The following BRWD1 variants were observed in gnomAD, a reference collection of about 807,000 sequenced individuals.
BRWD1 encodes bromodomain and WD repeat-containing protein 1.
Under a neutral mutation model 251.2 loss-of-function variants are expected in BRWD1, and 82 were observed. That is an observed-to-expected ratio of 0.33 (90% CI 0.27 to 0.39). The LOEUF (loss-of-function observed/expected upper bound fraction) is 0.39, where lower values mean the gene tolerates loss of function less well. BRWD1 is among the 10% of genes least tolerant of loss of function. The pLI, the probability that BRWD1 is intolerant of heterozygous loss-of-function variation, is 1.00. For missense variants in BRWD1, 2,233 were observed against 2,711.6 expected (o/e 0.82, Z 3.92); for synonymous variants, 918 against 902.8 (o/e 1.02, Z -0.30).
chr21:39,236,838 G>C, intron 22 of BRWD1, 54 bp from the exon 23 acceptor site: 2 of 1,456,152 alleles, frequency 1.4e-6, no homozygotes, highest in Non-Finnish European at 1.9e-6. Flanking sequence ...AGCACTGATA[G>C]CAAGTCAATC....
At chr21:39,231,034 CATAA>C (rs2033594186) in intron 25 of BRWD1, among the ~76,000 whole-genome samples, 2 of 151,960 alleles carry the variant, frequency 1.3e-5, no homozygotes, top group Non-Finnish European at 2.9e-5. Context: ...GTTAAACAGA[CATAA>C]ATAAAACCGC....
At chr21:39,314,522 C>T, upstream of BRWD1, 2 of 355,714 alleles carry the variant, frequency 5.6e-6, no homozygotes, top group South Asian at 2.1e-5. Flanking sequence ...TTAGAATCCT[C>T]TTGGAAGACT....
At chr21:39,310,897 A>G (rs1050961549) in intron 4 of BRWD1, among the ~76,000 whole-genome samples, 6 of 152,104 alleles carry the variant, frequency 3.9e-5, no homozygotes, top group African/African-American at 1.2e-4. Flanking sequence ...AAGACTTTGA[A>G]AGTTTAGAAA....
chr21:39,307,127 G>A (rs1455116324), intron 4 of BRWD1, among the ~76,000 whole-genome samples: 2 of 152,150 alleles, frequency 1.3e-5, no homozygotes, highest in African/African-American at 4.8e-5. Flanking sequence ...GTGCTGGGAT[G>A]ACAGGTGTGA....
intron 21 of BRWD1, among the ~76,000 whole-genome samples, chr21:39,241,429 CTG>C (rs1168603874): frequency 1.5e-5 from 2 of 129,410 alleles, no homozygotes; most frequent in African/African-American, 6.0e-5. Flanking sequence ...GACTGTGCCA[CTG>C]CACTCCAGCC....
chr21:39,197,126 T>G lies in BRWD1; in HGVS notation c.5943A>C (p.Gly1981=). Residue 1981 remains glycine (G), a synonymous_variant, in exon 41 of 41, where the codon GGA becomes GGC. Coordinates refer to ENST00000342449, the MANE Select transcript of BRWD1 (RefSeq NM_033656.4). ...TAKKKLSDCE[G]SVHCEVPSEQ... The stretch of plus-strand genomic sequence containing the variant: ...CACTTGGTACTTCACAATGTACACT[T>G]CCTTCACAATCACTCAATTTCTTCT... 1 of 1,614,132 alleles carries G rather than the reference T, an allele frequency of 6.2e-7. No individual in the cohort carries two copies. The highest frequency in any genetic ancestry group is 1.1e-5 in the South Asian group (1 of 91,076).
chr21:39,206,146 T>C lies in BRWD1; in HGVS notation c.4326A>G (p.Gln1442=), dbSNP rs1052015657. 3.1e-6 allele frequency: 5 copies of C among 1,613,328 alleles called. No individual in the cohort carries two copies. The African/African-American group carries it at 4.0e-5, about 13-fold the overall frequency. The change falls in exon 37 of 41, where the codon CAA becomes CAG. Residue 1442 remains glutamine, a synonymous_variant. Coordinates refer to ENST00000342449, the MANE Select transcript of BRWD1 (RefSeq NM_033656.4). ...LRRSQRFKQR[Q]NCKGDSQPNK... is the part of the protein sequence containing the mutation. ...TAGGCTGACTGTCACCTTTACAATT[T>C]TGCCGTTGCTTGAACCTCTGGCTTC...
At chr21:39,207,469 CACACACACACACACAA>C (rs1207608287) in intron 36 of BRWD1, among the ~76,000 whole-genome samples, 5 of 150,618 alleles carry the variant, frequency 3.3e-5, no homozygotes, top group South Asian at 4.2e-4. Context: ...CACACACACA[CACACACACACACACAA>C]ACAAAACTCC....
At position 39,193,439 on chromosome 21, in the gene BRWD1, TTTG is replaced by T; in HGVS notation, c.*2817_*2819del. The T allele has an allele frequency of 1.0e-6, 1 of 984,894 alleles. No homozygotes were observed. Among genetic ancestry groups the T allele is most frequent in the East Asian group, 1.1e-4 (1 of 8,812 alleles). The allele number at this position is 984,894 out of a possible 1,614,324, so 61.0% of individuals were successfully genotyped here. On this transcript the variant is annotated 3_prime_UTR_variant, in exon 41 of 41. Transcript: ENST00000342449. ...TAAGGAGGACACGAAAAAAGAAAGC[TTTG>T]TTAACACTCATCTATCTTGTCAATG...
chr21:39,310,154 T>C (rs76034752), intron 4 of BRWD1, among the ~76,000 whole-genome samples: 2,315 of 152,312 alleles, frequency 0.015, 57 homozygotes, highest in African/African-American at 0.053. Context: ...CCATTGATAG[T>C]TTCTTAAAAC....
chr21:39,233,450 G>A (rs1424811451), intron 23 of BRWD1, among the ~76,000 whole-genome samples: 1 of 151,922 alleles, frequency 6.6e-6, no homozygotes, highest in African/African-American at 2.4e-5. Flanking sequence ...TCAGCACAGT[G>A]TACACAAATA....
At chr21:39,207,362 G>C (rs1038920131) in intron 36 of BRWD1, among the ~76,000 whole-genome samples, 1 of 151,632 alleles carries the variant, frequency 6.6e-6, no homozygotes, top group Non-Finnish European at 1.5e-5. Context: ...TCAGGAGTTG[G>C]AGGTTGCAGT....
intron 40 of BRWD1, 97 bp downstream of exon 40, chr21:39,198,666 T>C: frequency 9.1e-7 from 1 of 1,093,622 alleles, no homozygotes; most frequent in East Asian, 2.6e-5. Context: ...AGAAAAAAGT[T>C]TCAAGGGAAA....
At chr21:39,240,766 T>C (rs1029743429) in intron 21 of BRWD1, among the ~76,000 whole-genome samples, 1 of 152,248 alleles carries the variant, frequency 6.6e-6, no homozygotes, top group African/African-American at 2.4e-5. Context: ...TGTAGTATGC[T>C]GTATTTTGTA....
Position 39,187,429 on chromosome 21 carries a change from G to T in BRWD1, c.*8830C>A. On this transcript the variant is annotated 3_prime_UTR_variant, in exon 41 of 41. Transcript: ENST00000342449. ...TCTAGGAACAAATTCTGAAAAATGA[G>T]TGAAAGTTCATGTAAATGCAAAAAT... The T allele has an allele frequency of 1.3e-6, 2 of 1,536,792 alleles. No individual in the cohort carries two copies. The highest frequency in any genetic ancestry group is 8.7e-7 in the Non-Finnish European group (1 of 1,145,182).
In BRWD1 at chr21:39,232,288, C is replaced by T. The variant is rs2033645896; in HGVS notation, c.2893-4G>A. On this transcript the variant is annotated splice_region_variant and splice_polypyrimidine_tract_variant and intron_variant, in intron 24 of 40. Coordinates refer to ENST00000342449, the MANE Select transcript of BRWD1 (RefSeq NM_033656.4). Reference sequence around the variant, plus strand: ...GACCCTGTCGAAAATATATTACCTACAAAAGGGAAATATGCATTTAAAAAT... The same window carrying T: ...GACCCTGTCGAAAATATATTACCTATAAAAGGGAAATATGCATTTAAAAAT... The T allele has an allele frequency of 6.2e-7, 1 of 1,606,360 alleles. No individual in the cohort carries two copies. The highest frequency in any genetic ancestry group is 2.2e-5 in the East Asian group (1 of 44,802).
chr21:39,271,155 G>A (rs2035086436), intron 13 of BRWD1, among the ~76,000 whole-genome samples: 1 of 151,832 alleles, frequency 6.6e-6, no homozygotes, highest in South Asian at 2.1e-4. Context: ...AGCCAGGTGT[G>A]GTGGCACACA....
chr21:39,245,199 G>A (rs900999941), intron 21 of BRWD1, among the ~76,000 whole-genome samples: 3 of 151,810 alleles, frequency 2.0e-5, no homozygotes, highest in African/African-American at 4.8e-5. Context: ...AGCCATGACT[G>A]CACCATGCAC....
intron 36 of BRWD1, 190 bp downstream of exon 36, chr21:39,209,805 C>T: frequency 2.0e-6 from 1 of 505,832 alleles, no homozygotes; most frequent in Non-Finnish European, 3.2e-6. Context: ...TGATGAAAGG[C>T]AAAAACTGAA....
Sources: allele counts gnomAD v4.1 joint callset (sites outside exome capture counted in the v4.1 genomes callset), GRCh38; gene constraint gnomAD v4.1.1; transcripts MANE v1.5; gene names NCBI Gene and HGNC (gene_info 2026-07-23, HGNC 2026-07-21).